Variants in SESN1 observed in about 807,000 individuals in gnomAD.
SESN1 encodes the protein sestrin-1.
SESN1 carries 30 observed loss-of-function variants against 59.3 expected under a neutral mutation model. The observed-to-expected ratio is 0.51, with a 90% confidence interval of 0.38 to 0.69. The LOEUF (loss-of-function observed/expected upper bound fraction) is 0.69. Among genes scored for constraint, SESN1 ranks in the 30% least tolerant of loss-of-function variants. The pLI is 0.00. For missense variants in SESN1, 566 were observed against 673.0 expected (o/e 0.84, Z 1.76); for synonymous variants, 197 against 219.9 (o/e 0.90, Z 0.92).
In SESN1 at chr6:109,054,078, A is replaced by AT. The variant is rs200361436; in HGVS notation, c.279+39716dup. ...AGACATTTCTTTTCGTTTTTTCTTA[A>AT]TTTTTTGGGGGGGGAGGGATCTGGG... On this transcript the variant is annotated intron_variant, in intron 1 of 9. Coordinates refer to ENST00000436639, the MANE Select transcript of SESN1 (RefSeq NM_014454.3). 9.0e-3 allele frequency among the ~76,000 whole-genome samples: 1,356 copies of AT among 151,054 alleles called. 29 individuals carry two copies. Among genetic ancestry groups the AT allele is most frequent in the African/African-American group, 0.031 (1,285 of 40,900 alleles).
intron 1 of SESN1, among the ~76,000 whole-genome samples, chr6:109,091,361 C>T (rs898934955): frequency 2.0e-4 from 31 of 152,056 alleles, no homozygotes; most frequent in African/African-American, 7.5e-4. Flanking sequence ...AATATGATAC[C>T]ACCTAACGAT....
chr6:109,010,128 C>G (rs761277512), intron 1 of SESN1, among the ~76,000 whole-genome samples: 1 of 152,198 alleles, frequency 6.6e-6, no homozygotes, highest in Admixed American at 6.5e-5. Flanking sequence ...GGTAGCCTAT[C>G]TCTGAATCGT....
At chr6:109,004,620 CAG>C in intron 1 of SESN1, among the ~76,000 whole-genome samples, 1 of 151,728 alleles carries the variant, frequency 6.6e-6, no homozygotes, top group African/African-American at 2.4e-5. Context: ...TTAGTAGAGA[CAG>C]GGTTTCACCA....
Position 108,992,910 on chromosome 6 carries a change from A to T in SESN1, c.1121-11T>A. 2 of 1,564,210 alleles carry T rather than the reference A, an allele frequency of 1.3e-6. No homozygotes were observed. Among genetic ancestry groups the T allele is most frequent in the Non-Finnish European group, 1.8e-6 (2 of 1,137,528 alleles). ...TAACTTCTTCATCATCTGGGAAAAA[A>T]GGCCATTGAAAGGTTTTTAAAAATA... On this transcript the variant is annotated splice_polypyrimidine_tract_variant and intron_variant, in intron 6 of 9. Coordinates refer to ENST00000436639, the MANE Select transcript of SESN1 (RefSeq NM_014454.3).
rs561227807 is a variant in SESN1, at chr6:108,995,200, T to G, written c.973-591A>C. ...AATAATGTCATTACCATTTATGCTG[T>G]TTTAAACTACTTGTCAATTTAAAGC... On this transcript the variant is annotated intron_variant, in intron 5 of 9. Coordinates refer to ENST00000436639, the MANE Select transcript of SESN1 (RefSeq NM_014454.3). Among the ~76,000 whole-genome samples, 165 of 152,308 alleles carry G rather than the reference T, an allele frequency of 1.1e-3. 4 individuals are homozygous for G. The South Asian group carries it at 0.032, about 30-fold the overall frequency.
intron 1 of SESN1, among the ~76,000 whole-genome samples, chr6:109,027,078 G>A (rs1780106647): frequency 2.0e-5 from 3 of 152,144 alleles, no homozygotes; most frequent in South Asian, 2.1e-4. Context: ...GCTGAGGCAC[G>A]AGAATCGCTT....
chr6:109,087,562 G>C (rs1781234150), intron 1 of SESN1, among the ~76,000 whole-genome samples: 1 of 152,104 alleles, frequency 6.6e-6, no homozygotes, highest in African/African-American at 2.4e-5. Flanking sequence ...AGAAAGGCCA[G>C]AAAATAGTGG....
intron 1 of SESN1, among the ~76,000 whole-genome samples, chr6:109,091,438 C>T (rs1470353188): frequency 1.3e-5 from 2 of 152,152 alleles, no homozygotes; most frequent in African/African-American, 4.8e-5. Flanking sequence ...GTCTGCCAAA[C>T]TCCAGAGTAT....
intron 1 of SESN1, among the ~76,000 whole-genome samples, chr6:109,023,138 ATC>A (rs1780037998): frequency 1.3e-5 from 2 of 152,322 alleles, no homozygotes; most frequent in Middle Eastern, 6.8e-3. Context: ...GTTCTATAAC[ATC>A]TCTCAATATA....
intron 5 of SESN1, among the ~76,000 whole-genome samples, chr6:108,996,139 A>C (rs755524538): frequency 3.9e-4 from 59 of 152,262 alleles, no homozygotes; most frequent in Admixed American, 6.5e-4. Flanking sequence ...CAAGCCTAGC[A>C]TAGTACCTGG....
In SESN1 at chr6:109,046,771, C is replaced by T. The variant is rs1359455512; in HGVS notation, c.280-44428G>A. 2.9e-4 allele frequency among the ~76,000 whole-genome samples: 41 copies of T among 139,118 alleles called. 1 individual carries two copies. Among genetic ancestry groups the T allele is most frequent in the African/African-American group, 9.7e-4 (37 of 38,088 alleles). The allele number at this position is 139,118 out of a possible 152,430, so 91.3% of individuals were successfully genotyped here. A position where few individuals can be genotyped will look rare whatever the true frequency, so the allele number is the denominator to read the frequency against. ...GTTGTGAGGAGTGCCTCTGCCCGGC[C>T]GAGACCCCGTCTGGGAGGTGAGGAG... On this transcript the variant is annotated intron_variant, in intron 1 of 9. Transcript: ENST00000436639.
intron 1 of SESN1, among the ~76,000 whole-genome samples, chr6:109,084,091 T>C (rs547594399): frequency 6.6e-6 from 1 of 152,322 alleles, no homozygotes; most frequent in Admixed American, 6.5e-5. Context: ...AAGGCATATA[T>C]ATTTGTCAGT....
At chr6:109,031,927 T>C (rs1780186100) in intron 1 of SESN1, among the ~76,000 whole-genome samples, 2 of 152,180 alleles carry the variant, frequency 1.3e-5, no homozygotes, top group Admixed American at 1.3e-4. Flanking sequence ...AGTCTAAACA[T>C]GAAATTCACT....
intron 5 of SESN1, among the ~76,000 whole-genome samples, chr6:108,994,955 C>T (rs909510944): frequency 2.6e-5 from 4 of 152,092 alleles, no homozygotes; most frequent in South Asian, 2.1e-4. Flanking sequence ...CTGTCCACCT[C>T]GGCCTTCCAA....
intron 1 of SESN1, among the ~76,000 whole-genome samples, chr6:109,042,976 G>A (rs896086503): frequency 1.3e-5 from 2 of 151,986 alleles, no homozygotes; most frequent in African/African-American, 4.8e-5. Flanking sequence ...ATTCCACAAT[G>A]TATAAAAAGC....
At chr6:109,090,811 G>A (rs938159241) in intron 1 of SESN1, among the ~76,000 whole-genome samples, 1 of 152,164 alleles carries the variant, frequency 6.6e-6, no homozygotes, top group Non-Finnish European at 1.5e-5. Context: ...TCTGTCGCCA[G>A]AGGGCTGGAG....
Position 108,984,419 on chromosome 6 carries a change from A to G in SESN1, c.*3125T>C, listed in dbSNP as rs1779126613. Among the ~76,000 whole-genome samples, 1 of 152,172 alleles carries G rather than the reference A, an allele frequency of 6.6e-6. No homozygotes were observed. The highest frequency in any genetic ancestry group is 2.1e-4 in the South Asian group (1 of 4,826). Reference sequence around the variant, plus strand: ...TTCTTCCTCACAGATGGCACACTCTAGCTGTGTCCTTTCATGGTAGAAGGG... The same window carrying G: ...TTCTTCCTCACAGATGGCACACTCTGGCTGTGTCCTTTCATGGTAGAAGGG... On this transcript the variant is annotated 3_prime_UTR_variant, in exon 10 of 10. Coordinates refer to ENST00000436639, the MANE Select transcript of SESN1 (RefSeq NM_014454.3).
At chr6:109,064,173 G>T (rs1780777272) in intron 1 of SESN1, among the ~76,000 whole-genome samples, 1 of 152,048 alleles carries the variant, frequency 6.6e-6, no homozygotes, top group African/African-American at 2.4e-5. Flanking sequence ...TCAACTTCTA[G>T]AATTTCCCCC....
chr6:109,062,926 G>A (rs1238241263), intron 1 of SESN1, among the ~76,000 whole-genome samples: 2 of 152,198 alleles, frequency 1.3e-5, no homozygotes, highest in Admixed American at 6.5e-5. Flanking sequence ...CTGTTGGTAA[G>A]TGAAAGTGAG....
Sources: gnomAD v4.1 joint callset for allele counts (sites outside exome capture counted in the v4.1 genomes callset) on GRCh38, gnomAD v4.1.1 for gene constraint, MANE v1.5 for transcripts, NCBI Gene and HGNC (gene_info 2026-07-23, HGNC 2026-07-21) for gene names.